The following CFAP221 variants were observed in gnomAD, a reference collection of about 807,000 sequenced individuals.
CFAP221 encodes cilia- and flagella-associated protein 221.
In CFAP221, 97 loss-of-function variants were observed where a neutral mutation model predicts 113.1. That is an observed-to-expected ratio of 0.86 (90% CI 0.73 to 1.02). The LOEUF is 1.02. Among genes scored for constraint, CFAP221 ranks in the 50% least tolerant of loss-of-function variants. The pLI is 0.00. For synonymous variants in CFAP221, 331 were observed against 354.4 expected (o/e 0.93, Z 0.74); for missense variants, 1,025 against 1,013.4 (o/e 1.01, Z -0.16).
intron 19 of CFAP221, among the ~76,000 whole-genome samples, chr2:119,636,222 A>G (rs920607910): frequency 6.6e-6 from 1 of 152,212 alleles, no homozygotes; most frequent in African/African-American, 2.4e-5. Flanking sequence ...AATGCTACTT[A>G]TTAGTTTTCA....
intron 6 of CFAP221, among the ~76,000 whole-genome samples, chr2:119,569,071 A>G (rs1681854996): frequency 6.6e-6 from 1 of 151,632 alleles, no homozygotes; most frequent in Non-Finnish European, 1.5e-5. Flanking sequence ...GTCTGATGTA[A>G]TTCTTATCTT....
At chr2:119,561,315 A>G (rs1681230212) in intron 5 of CFAP221, among the ~76,000 whole-genome samples, 1 of 152,170 alleles carries the variant, frequency 6.6e-6, no homozygotes, top group South Asian at 2.1e-4. Context: ...AATAAAAACA[A>G]AACCAGAATA....
chr2:119,625,472 T>G, intron 14 of CFAP221, 111 bp from the exon 15 acceptor site: 1 of 890,374 alleles, frequency 1.1e-6, no homozygotes, highest in Non-Finnish European at 1.8e-6. Flanking sequence ...GACTCTGACT[T>G]GCAGTGGCAG....
intron 7 of CFAP221, among the ~76,000 whole-genome samples, chr2:119,598,186 T>TTG (rs1684121208): frequency 6.6e-6 from 1 of 152,246 alleles, no homozygotes; most frequent in Admixed American, 6.5e-5. Flanking sequence ...GTAGTAACAC[T>TTG]GTCTGGACAT....
intron 15 of CFAP221, among the ~76,000 whole-genome samples, chr2:119,626,923 C>T (rs1686347450): frequency 6.9e-6 from 1 of 145,930 alleles, no homozygotes; most frequent in African/African-American, 2.5e-5. Context: ...GAGCAAGACC[C>T]TGTCTCTGAA....
chr2:119,614,318 C>T (rs1685381379), intron 13 of CFAP221, among the ~76,000 whole-genome samples: 1 of 152,200 alleles, frequency 6.6e-6, no homozygotes, highest in Non-Finnish European at 1.5e-5. Context: ...GTTGCTTCCA[C>T]ATTTTTGAGT....
chr2:119,652,839 T>C (rs989343710), intron 23 of CFAP221, among the ~76,000 whole-genome samples: 13 of 151,164 alleles, frequency 8.6e-5, no homozygotes, highest in Admixed American at 8.6e-4. Context: ...CTTTATATTA[T>C]GTTAAAAATT....
At chr2:119,644,112 C>T (rs1488297948) in intron 21 of CFAP221, among the ~76,000 whole-genome samples, 2 of 151,996 alleles carry the variant, frequency 1.3e-5, no homozygotes, top group Non-Finnish European at 1.5e-5. Flanking sequence ...AATATTATGC[C>T]ACTGCACTCC....
In CFAP221 at chr2:119,652,079, T is replaced by A. The variant is rs1179670595; in HGVS notation, c.2414+10T>A. On this transcript the variant is annotated intron_variant, in intron 23 of 23. Transcript: ENST00000413369. ...ACATCAGGAAGGAGAAGTAAGTGGA[T>A]GCTTTTATGCCTTATTAAAAGGTAA... 6.3e-7 allele frequency: 1 copy of A among 1,589,794 alleles called. No individual in the cohort carries two copies. Among genetic ancestry groups the A allele is most frequent in the Non-Finnish European group, 8.6e-7 (1 of 1,158,770 alleles).
At chr2:119,603,441 C>T (rs1021643449) in intron 8 of CFAP221, among the ~76,000 whole-genome samples, 14 of 152,124 alleles carry the variant, frequency 9.2e-5, no homozygotes, top group African/African-American at 3.1e-4. Context: ...CCAAGGGACA[C>T]GTTCTCCCAT....
rs1465475899 is a variant in CFAP221 at position 119,559,726 on chromosome 2, A to G, written c.278A>G (p.His93Arg). 4 of 1,533,122 alleles carry G rather than the reference A, an allele frequency of 2.6e-6. No individual in the cohort carries two copies. Among genetic ancestry groups the G allele is most frequent in the South Asian group, 2.4e-5 (2 of 83,966 alleles). 95.0% of individuals were successfully genotyped at this position (1,533,122 alleles called of 1,614,324 possible). The change falls in exon 4 of 24, where the codon CAT (histidine) becomes CGT (arginine). Residue 93 changes from histidine to arginine, a missense_variant. Transcript: ENST00000413369. The part of the protein sequence containing the change: ...VNVSNEDTRV[H>R]ILPPQTKYFE... ...GTTTCCAATGAAGACACACGTGTTCATATTTTACCCCCGCAAACCAAATAC... is the reference window on the plus strand; with the variant it reads ...GTTTCCAATGAAGACACACGTGTTCGTATTTTACCCCCGCAAACCAAATAC...
chr2:119,615,806 AT>A, intron 14 of CFAP221, 97 bp downstream of exon 14: 1 of 841,682 alleles, frequency 1.2e-6, no homozygotes, highest in Non-Finnish European at 1.8e-6. Flanking sequence ...TTGAGATACA[AT>A]TTACACACCA....
intron 13 of CFAP221, among the ~76,000 whole-genome samples, chr2:119,612,189 T>C (rs1685218219): frequency 6.6e-6 from 1 of 152,226 alleles, no homozygotes; most frequent in Non-Finnish European, 1.5e-5. Context: ...GGTGCCTTAC[T>C]GTTCTCAAAT....
At chr2:119,565,561 G>A (rs1262026565) in intron 6 of CFAP221, among the ~76,000 whole-genome samples, 1 of 152,098 alleles carries the variant, frequency 6.6e-6, no homozygotes, top group African/African-American at 2.4e-5. Context: ...CTGTTCCCAA[G>A]CTACTTTGTA....
intron 13 of CFAP221, among the ~76,000 whole-genome samples, chr2:119,613,300 C>A (rs1015758817): frequency 6.6e-6 from 1 of 152,196 alleles, no homozygotes; most frequent in Non-Finnish European, 1.5e-5. Context: ...GGATGGTGGC[C>A]CTCTTCTTAC....
chr2:119,560,008 C>T lies in CFAP221; in HGVS notation c.408C>T (p.Cys136=), dbSNP rs1275610619. The change falls in exon 5 of 24, where the codon TGC becomes TGT. Residue 136 remains cysteine (C), a synonymous_variant. Transcript: ENST00000413369. Reference sequence around the variant, plus strand: ...ATGAGTGGCGATACTATTATGACTGCATCCGTGTTCACTGTAAGGTAGGTC... The same window carrying T: ...ATGAGTGGCGATACTATTATGACTGTATCCGTGTTCACTGTAAGGTAGGTC... ...SPDEWRYYYD[C]IRVHCKGDDT... 2.6e-6 allele frequency: 4 copies of T among 1,527,172 alleles called. No homozygotes were observed. Among genetic ancestry groups the T allele is most frequent in the Non-Finnish European group, 3.5e-6 (4 of 1,140,126 alleles). 94.6% of individuals were successfully genotyped at this position (1,527,172 alleles called of 1,614,324 possible).
At chr2:119,626,792 C>T (rs1020487261) in intron 15 of CFAP221, among the ~76,000 whole-genome samples, 7 of 151,772 alleles carry the variant, frequency 4.6e-5, no homozygotes, top group East Asian at 1.9e-4. Context: ...TATCCAGGAC[C>T]GGTGGCATAT....
chr2:119,583,747 A>G (rs1558934005), intron 6 of CFAP221, among the ~76,000 whole-genome samples: 1 of 152,188 alleles, frequency 6.6e-6, no homozygotes, highest in Non-Finnish European at 1.5e-5. Flanking sequence ...TTGGGAGGTG[A>G]TGAGGCCATG....
intron 13 of CFAP221, among the ~76,000 whole-genome samples, chr2:119,614,877 C>T (rs1271530976): frequency 1.3e-5 from 2 of 152,232 alleles, no homozygotes; most frequent in African/African-American, 4.8e-5. Context: ...CCCTCCTCCT[C>T]ACTAGATTTA....
Sources: allele counts gnomAD v4.1 joint callset (sites outside exome capture counted in the v4.1 genomes callset), GRCh38; gene constraint gnomAD v4.1.1; transcripts MANE v1.5; gene names NCBI Gene and HGNC (gene_info 2026-07-23, HGNC 2026-07-21).